Variants in TIMM23B observed in about 807,000 individuals in gnomAD.
TIMM23B encodes the protein mitochondrial import inner membrane translocase subunit Tim23B.
TIMM23B carries 27 observed loss-of-function variants against 27.3 expected under a neutral mutation model. The observed-to-expected ratio is 0.99, with a 90% confidence interval of 0.73 to 1.36. The LOEUF (loss-of-function observed/expected upper bound fraction) is 1.36. TIMM23B is among the 40% of genes most tolerant of loss of function. The pLI, the probability that TIMM23B is intolerant of heterozygous loss-of-function variation, is 0.00. For synonymous variants in TIMM23B, 73 were observed against 92.4 expected (o/e 0.79, Z 1.21); for missense variants, 205 against 244.2 (o/e 0.84, Z 1.07).
At chr10:49,943,924 C>T (rs1839270002) in intron 1 of TIMM23B, among the ~76,000 whole-genome samples, 1 of 152,102 alleles carries the variant, frequency 6.6e-6, no homozygotes, top group Non-Finnish European at 1.5e-5. Context: ...TTAGGGAAAA[C>T]ATCTCAAGGG....
chr10:49,952,372 A>C, intron 3 of TIMM23B, 77 bp from the exon 4 acceptor site: 1 of 1,525,300 alleles, frequency 6.6e-7, no homozygotes, highest in Non-Finnish European at 8.9e-7. Context: ...AAGAATCAGA[A>C]GTGTAGTTAT....
At chr10:49,966,792 T>C (rs1554855525) in intron 6 of TIMM23B, among the ~76,000 whole-genome samples, 1 of 152,146 alleles carries the variant, frequency 6.6e-6, no homozygotes, top group Non-Finnish European at 1.5e-5. Flanking sequence ...GCCACTGCAC[T>C]CCAGCCTGGG....
chr10:49,966,029 G>T (rs373678147), intron 6 of TIMM23B, among the ~76,000 whole-genome samples: 105 of 149,258 alleles, frequency 7.0e-4, no homozygotes, highest in East Asian at 3.2e-3. Context: ...GCGCACTCCA[G>T]CCTGGGTGAT....
intron 6 of TIMM23B, among the ~76,000 whole-genome samples, chr10:49,959,300 G>T (rs1224536315): frequency 6.6e-6 from 1 of 152,132 alleles, no homozygotes; most frequent in African/African-American, 2.4e-5. Context: ...TGTGACATCA[G>T]CATATTAAAC....
chr10:49,966,724 CAGAG>C (rs1194892439), intron 6 of TIMM23B, among the ~76,000 whole-genome samples: 1 of 151,764 alleles, frequency 6.6e-6, no homozygotes, highest in Non-Finnish European at 1.5e-5. Context: ...ACTTGGGAGG[CAGAG>C]AGAGGAGAAT....
At chr10:49,966,897 ATCTT>A (rs1392302393) in intron 6 of TIMM23B, among the ~76,000 whole-genome samples, 2 of 152,050 alleles carry the variant, frequency 1.3e-5, no homozygotes, top group African/African-American at 4.8e-5. Context: ...TTCCCTCATG[ATCTT>A]TCTATTAAAA....
At chr10:49,953,060 C>G (rs1246866500) in intron 4 of TIMM23B, among the ~76,000 whole-genome samples, 7 of 152,270 alleles carry the variant, frequency 4.6e-5, no homozygotes, top group African/African-American at 1.7e-4. Context: ...TCTGTTAGAA[C>G]TTGAAGTTAC....
chr10:49,946,464 C>A (rs1258974619), intron 2 of TIMM23B, among the ~76,000 whole-genome samples: 5 of 152,070 alleles, frequency 3.3e-5, no homozygotes, highest in Admixed American at 6.6e-5. Flanking sequence ...CAAGGGAAAT[C>A]ACAAAAATCT....
chr10:49,971,291 C>T (rs1388759401), intron 6 of TIMM23B, among the ~76,000 whole-genome samples: 2 of 151,092 alleles, frequency 1.3e-5, no homozygotes, highest in Non-Finnish European at 2.9e-5. Context: ...CCTGCCAAAT[C>T]CCCTTCTCCG....
chr10:49,954,985 T>G lies in TIMM23B; in HGVS notation c.345-17T>G. 1 of 1,612,228 alleles carries G rather than the reference T, an allele frequency of 6.2e-7. No individual in the cohort carries two copies. The highest frequency in any genetic ancestry group is 8.5e-7 in the Non-Finnish European group (1 of 1,178,628). On this transcript the variant is annotated splice_polypyrimidine_tract_variant and intron_variant, in intron 4 of 6. Transcript: ENST00000651259. Reference sequence around the variant, plus strand: ...AATGATTCTAAATACAGATTCTTTCTCTTTCTGCCCTGATAGGATTTTGAA... The same window carrying G: ...AATGATTCTAAATACAGATTCTTTCGCTTTCTGCCCTGATAGGATTTTGAA...
At chr10:49,969,193 C>T (rs1840303853) in intron 6 of TIMM23B, among the ~76,000 whole-genome samples, 2 of 152,164 alleles carry the variant, frequency 1.3e-5, no homozygotes, top group East Asian at 1.9e-4. Flanking sequence ...TGTGGTAGCT[C>T]ATGTCTATAA....
Position 49,953,769 on chromosome 10 carries a change from A to G in TIMM23B, c.345-1233A>G, listed in dbSNP as rs1465734582. ...TAATATTTTTAAGTTTTTGTATTAT[A>G]GGGAATTTTGAATATATAAAAGTAG... On this transcript the variant is annotated intron_variant, in intron 4 of 6. Coordinates refer to ENST00000651259, the MANE Select transcript of TIMM23B (RefSeq NM_001290117.2). 1.7e-4 allele frequency among the ~76,000 whole-genome samples: 26 copies of G among 152,204 alleles called. 1 individual carries two copies. The highest frequency in any genetic ancestry group is 5.9e-4 in the Admixed American group (9 of 15,278).
chr10:49,966,922 C>T (rs1172641555), intron 6 of TIMM23B, among the ~76,000 whole-genome samples: 1 of 148,178 alleles, frequency 6.7e-6, no homozygotes, highest in African/African-American at 2.4e-5. Context: ...TAGCTCTGTA[C>T]TTACTATGTT....
At chr10:49,952,554 T>C in intron 4 of TIMM23B, 21 bp downstream of exon 4, 1 of 1,612,328 alleles carries the variant, frequency 6.2e-7, no homozygotes, top group Non-Finnish European at 8.5e-7. Context: ...TGTAACCATC[T>C]GATGTAGTGA....
chr10:49,957,577 T>A (rs1190558869), intron 5 of TIMM23B, among the ~76,000 whole-genome samples: 1 of 152,042 alleles, frequency 6.6e-6, no homozygotes, highest in Admixed American at 6.6e-5. Flanking sequence ...TTTTAAAGGA[T>A]ACAAATAGCC....
At chr10:49,965,273 G>A (rs1840088723) in intron 6 of TIMM23B, among the ~76,000 whole-genome samples, 1 of 148,988 alleles carries the variant, frequency 6.7e-6, no homozygotes, top group South Asian at 2.2e-4. Context: ...ATAATGAAAT[G>A]TGGGTGGCGC....
Position 49,952,357 on chromosome 10 carries a change from T to C in TIMM23B, c.260-92T>C, listed in dbSNP as rs1321466933. The C allele has an allele frequency of 2.0e-6, 3 of 1,495,138 alleles. No homozygotes were observed. The African/African-American group carries it at 4.3e-5, about 21-fold the overall frequency. 92.6% of individuals were successfully genotyped at this position (1,495,138 alleles called of 1,614,324 possible). ...TTTGTCTTTTTCTATTAAATAAAAA[T>C]GAAAAAGAATCAGAAGTGTAGTTAT... is the stretch of plus-strand genomic sequence containing the variant. On this transcript the variant is annotated intron_variant, in intron 3 of 6. Coordinates refer to ENST00000651259, the MANE Select transcript of TIMM23B (RefSeq NM_001290117.2).
At chr10:49,947,379 G>A (rs1223823046) in intron 2 of TIMM23B, among the ~76,000 whole-genome samples, 43 of 152,138 alleles carry the variant, frequency 2.8e-4, no homozygotes, top group African/African-American at 5.8e-4. Flanking sequence ...AGGCTGAGGC[G>A]GGTGGATCAC....
At chr10:49,942,610 G>GT (rs1839164540) in intron 1 of TIMM23B, among the ~76,000 whole-genome samples, 1 of 152,134 alleles carries the variant, frequency 6.6e-6, no homozygotes, top group African/African-American at 2.4e-5. Flanking sequence ...TGACCCTTAA[G>GT]AGTAGAGCCC....
Sources: allele counts gnomAD v4.1 joint callset (sites outside exome capture counted in the v4.1 genomes callset), GRCh38; gene constraint gnomAD v4.1.1; transcripts MANE v1.5; gene names NCBI Gene and HGNC (gene_info 2026-07-23, HGNC 2026-07-21).